BBS10: variants seen among roughly 807,000 people sequenced by gnomAD.
BBS10 encodes the protein Bardet-Biedl syndrome 10, also known as BBSome complex assembly protein BBS10.
In BBS10, 13 loss-of-function variants were observed where a neutral mutation model predicts 12.7. The observed-to-expected ratio is 1.03, with a 90% CI of 0.67 to 1.63. BBS10 has a LOEUF of 1.63. Among genes scored for constraint, BBS10 ranks in the 40% most tolerant of loss-of-function variants. The probability of loss-of-function intolerance (pLI) is 0.00; values close to 1 mark genes in which losing one functional copy is unlikely to be tolerated. For missense variants in BBS10, 858 were observed against 858.0 expected (o/e 1.00, Z 0.00); for synonymous variants, 294 against 304.8 (o/e 0.96, Z 0.37).
Position 76,348,155 on chromosome 12 carries a change from C to A in BBS10, c.197+7G>T, listed in dbSNP as rs1433969081. On this transcript the variant is annotated splice_region_variant and intron_variant, in intron 1 of 1. Coordinates refer to ENST00000650064, the MANE Select transcript of BBS10 (RefSeq NM_024685.4). Reference sequence around the variant, plus strand: ...CGGCTACGGGTTAGCGTGTGGGACGCGGGTACCTGGCTATGGGATGCTCTA... The same window carrying A: ...CGGCTACGGGTTAGCGTGTGGGACGAGGGTACCTGGCTATGGGATGCTCTA... The A allele has an allele frequency of 3.1e-6, 5 of 1,603,186 alleles. No homozygotes were observed. The highest frequency in any genetic ancestry group is 4.3e-6 in the Non-Finnish European group (5 of 1,172,412).
Position 76,346,064 on chromosome 12 carries a change from G to T in BBS10, c.1921C>A (p.Pro641Thr). Residue 641 changes from proline (P) to threonine (T), a missense_variant, in exon 2 of 2, where the codon CCC becomes ACC. Coordinates refer to ENST00000650064, the MANE Select transcript of BBS10 (RefSeq NM_024685.4). ...MIIANALLGI[P>T]KVLYKSKTGK... is the part of the protein sequence containing the mutation. ...GTTTTAGATTTATAAAGGACTTTGGGAATGCCTAAAAGTGCATTAGCTATT... is the reference window on the plus strand; with the variant it reads ...GTTTTAGATTTATAAAGGACTTTGGTAATGCCTAAAAGTGCATTAGCTATT... 6.2e-7 allele frequency: 1 copy of T among 1,613,724 alleles called. No homozygotes were observed. Among genetic ancestry groups the T allele is most frequent in the South Asian group, 1.1e-5 (1 of 91,062 alleles).
chr12:76,347,233 G>A lies in BBS10; in HGVS notation c.752C>T (p.Ala251Val), dbSNP rs149760791. 6.6e-5 allele frequency: 107 copies of A among 1,612,510 alleles called. No individual in the cohort carries two copies. In the African/African-American group the frequency reaches 1.1e-3, roughly 17 times the overall value. Residue 251 changes from alanine to valine, a missense_variant, in exon 2 of 2, where the codon GCA (alanine) becomes GTA (valine). Physicochemically the swap from Ala to Val is moderately conservative, Grantham distance 64 (BLOSUM62 0). Transcript: ENST00000650064. ...TATCACCATTCGCATGTCACCATCT[G>A]CTGGGCGGTACACAGAAAAATCTTT... ...LQKDFSVYRPADGDMRMVIVT... is the reference protein window; with the variant it reads ...LQKDFSVYRPVDGDMRMVIVT...
Position 76,347,460 on chromosome 12 carries a change from T to C in BBS10, c.525A>G (p.Glu175=). The part of the protein sequence containing the change: ...LCRSSLELLL[E]AYFCGRVGRN... Reference sequence around the variant, plus strand: ...TTCCCACTCTTCCACAAAAGTATGCTTCTAAGAGCAACTCTAAAGAGCTCC... The same window carrying C: ...TTCCCACTCTTCCACAAAAGTATGCCTCTAAGAGCAACTCTAAAGAGCTCC... The change falls in exon 2 of 2, where the codon GAA becomes GAG. Residue 175 remains glutamate (E), a synonymous_variant. Coordinates refer to ENST00000650064, the MANE Select transcript of BBS10 (RefSeq NM_024685.4). The C allele has an allele frequency of 6.2e-7, 1 of 1,613,796 alleles. No homozygotes were observed.
chr12:76,347,472 C>A lies in BBS10; in HGVS notation c.513G>T (p.Glu171Asp). ...KERTLCRSSL[E>D]LLLEAYFCGR... ...CACAAAAGTATGCTTCTAAGAGCAACTCTAAAGAGCTCCTACACAATGTTC... is the reference window on the plus strand; with the variant it reads ...CACAAAAGTATGCTTCTAAGAGCAAATCTAAAGAGCTCCTACACAATGTTC... The change falls in exon 2 of 2, where the codon GAG becomes GAT. Residue 171 changes from glutamate to aspartate, a missense_variant. Glu to Asp is a conservative substitution (Grantham distance 45, BLOSUM62 2). Transcript: ENST00000650064. The A allele has an allele frequency of 6.2e-7, 1 of 1,613,722 alleles. No individual in the cohort carries two copies. Among genetic ancestry groups the A allele is most frequent in the Non-Finnish European group, 8.5e-7 (1 of 1,179,974 alleles).
chr12:76,345,570 A>C lies in BBS10; in HGVS notation c.*243T>G. On this transcript the variant is annotated 3_prime_UTR_variant, in exon 2 of 2. Transcript: ENST00000650064. ...AGGCTAACACAGAGCTGAGACACAG[A>C]GGCATAAAATAGGGAAAAAACAGAC... The C allele has an allele frequency of 2.1e-6, 1 of 471,020 alleles. No individual in the cohort carries two copies. The highest frequency in any genetic ancestry group is 3.9e-6 in the Non-Finnish European group (1 of 256,912). The allele number at this position is 471,020 out of a possible 1,614,324, so 29.2% of individuals were successfully genotyped here. A position where few individuals can be genotyped will look rare whatever the true frequency, so the allele number is the denominator to read the frequency against.
chr12:76,346,419 C>T lies in BBS10; in HGVS notation c.1566G>A (p.Thr522=), dbSNP rs1200334802. Reference sequence around the variant, plus strand: ...TTCTTTCCAAAGACAAACATGTCAGCGTTTCAACTGTTTGGAATGTATCTG... The same window carrying T: ...TTCTTTCCAAAGACAAACATGTCAGTGTTTCAACTGTTTGGAATGTATCTG... ...TPTDTFQTVE[T]LTCLSLERNR... is the part of the protein sequence containing the mutation. Residue 522 remains threonine, a synonymous_variant, in exon 2 of 2, where the codon ACG becomes ACA. Transcript: ENST00000650064. 6.2e-7 allele frequency: 1 copy of T among 1,614,086 alleles called. No homozygotes were observed. The highest frequency in any genetic ancestry group is 1.1e-5 in the South Asian group (1 of 91,080).
chr12:76,346,981 G>A lies in BBS10; in HGVS notation c.1004C>T (p.Ser335Leu). 1.2e-6 allele frequency: 2 copies of A among 1,611,228 alleles called. No individual in the cohort carries two copies. Among genetic ancestry groups the A allele is most frequent in the Non-Finnish European group, 1.7e-6 (2 of 1,179,958 alleles). The change falls in exon 2 of 2, where the codon TCA becomes TTA. Residue 335 changes from serine to leucine, a missense_variant. Transcript: ENST00000650064. The part of the protein sequence containing the change: ...VNGISVVECL[S>L]SEEVSLIRRI... ...CCGGATAAGAGAAACTTCTTCTGAT[G>A]ATAAACACTCAACCACTGATATGCC...
rs549625604 is a variant in BBS10, at chr12:76,347,713, C to CA, written c.271dup (p.Cys91LeufsTer5). 9.3e-4 allele frequency: 1,494 copies of CA among 1,610,606 alleles called. No individual in the cohort carries two copies. Among genetic ancestry groups the CA allele is most frequent in the Non-Finnish European group, 1.2e-3 (1,369 of 1,179,732 alleles). On this transcript the variant is annotated frameshift_variant, in exon 2 of 2. Coordinates refer to ENST00000650064, the MANE Select transcript of BBS10 (RefSeq NM_024685.4). LOFTEE classifies it low-confidence loss of function (END_TRUNC). Reference sequence around the variant, plus strand: ...TGCATGAAGTCCTCTAAGCAAATGGCAAAGAAAGATAATAAATGTTTTTGC... The same window carrying CA: ...TGCATGAAGTCCTCTAAGCAAATGGCAAAAGAAAGATAATAAATGTTTTTGC...
At position 76,346,821 on chromosome 12, in the gene BBS10, G is replaced by A. The variant is rs1484593364; in HGVS notation, c.1164C>T (p.Ser388=). 2.2e-5 allele frequency: 35 copies of A among 1,613,982 alleles called. No homozygotes were observed. The highest frequency in any genetic ancestry group is 2.5e-5 in the Non-Finnish European group (30 of 1,179,998). The change falls in exon 2 of 2, where the codon AGC becomes AGT. Residue 388 remains serine, a synonymous_variant. Transcript: ENST00000650064. ...TAGAGTGTGGTATAAATGCACATGT[G>A]CTTATCAAGCCTAGATGAACATATC... is the stretch of plus-strand genomic sequence containing the variant. ...SKRYVHLGLI[S]TCAFIPHSIV...
At chr12:76,348,078 A>G in intron 1 of BBS10, 84 bp downstream of exon 1, 1 of 1,445,484 alleles carries the variant, frequency 6.9e-7, no homozygotes, top group Non-Finnish European at 9.4e-7. Context: ...CTTTCTAAGT[A>G]CGCATCGCCT....
rs1951747367 is a variant in BBS10, at chr12:76,344,784, C to A, written c.*1029G>T. The A allele has an allele frequency of 6.6e-6, 1 of 152,034 alleles. No individual in the cohort carries two copies. The highest frequency in any genetic ancestry group is 2.1e-4 in the South Asian group (1 of 4,830). The allele number at this position is 152,034 out of a possible 1,614,324, so 9.4% of individuals were successfully genotyped here. A position where few individuals can be genotyped will look rare whatever the true frequency, so the allele number is the denominator to read the frequency against. ...TTTGTTCAACAAGCACTTCTGAATA[C>A]TTGGAGTAAATACAGCACTGTTTTG... On this transcript the variant is annotated 3_prime_UTR_variant, in exon 2 of 2. Coordinates refer to ENST00000650064, the MANE Select transcript of BBS10 (RefSeq NM_024685.4).
chr12:76,346,069 C>T lies in BBS10; in HGVS notation c.1916G>A (p.Gly639Asp). The T allele has an allele frequency of 6.2e-7, 1 of 1,613,528 alleles. No individual in the cohort carries two copies. ...VSMIIANALL[G>D]IPKVLYKSKT... ...AGATTTATAAAGGACTTTGGGAATG[C>T]CTAAAAGTGCATTAGCTATTATCAT... The change falls in exon 2 of 2, where the codon GGC becomes GAC. Residue 639 changes from glycine (G) to aspartate (D), a missense_variant. Coordinates refer to ENST00000650064, the MANE Select transcript of BBS10 (RefSeq NM_024685.4).
rs750972045 is a variant in BBS10 at position 76,345,915 on chromosome 12, T to C, written c.2070A>G (p.Ser690=). 1.9e-6 allele frequency: 3 copies of C among 1,613,910 alleles called. No homozygotes were observed. The highest frequency in any genetic ancestry group is 2.7e-5 in the African/African-American group (2 of 74,934). ...ATATTTTTGTCAAACACTGAAGAAC[T>C]GAAGTTAGTAGCTGGTATTTACCCA... ...SVMGKYQLLT[S]VLQCLTKILT... The change falls in exon 2 of 2, where the codon TCA becomes TCG. Residue 690 remains serine (S), a synonymous_variant. Coordinates refer to ENST00000650064, the MANE Select transcript of BBS10 (RefSeq NM_024685.4).
Position 76,347,606 on chromosome 12 carries a change from T to C in BBS10, c.379A>G (p.Lys127Glu). The change falls in exon 2 of 2, where the codon AAA (lysine) becomes GAA (glutamate). Residue 127 changes from lysine (K) to glutamate (E), a missense_variant. Lys to Glu is a moderately conservative substitution (Grantham distance 56, BLOSUM62 1). Transcript: ENST00000650064. ...GTTAGGAGAGCCTGGGAAATAAATT[T>C]CCACCGAGAACAATTTTTCCAATGC... The part of the protein sequence containing the change: ...GRHWKNCSRW[K>E]FISQALLTFQ... 1 of 1,613,730 alleles carries C rather than the reference T, an allele frequency of 6.2e-7. No homozygotes were observed. Among genetic ancestry groups the C allele is most frequent in the East Asian group, 2.2e-5 (1 of 44,860 alleles).
At position 76,347,009 on chromosome 12, in the gene BBS10, T is replaced by G; in HGVS notation, c.976A>C (p.Asn326His). The G allele has an allele frequency of 6.2e-7, 1 of 1,612,382 alleles. No individual in the cohort carries two copies. The highest frequency in any genetic ancestry group is 8.5e-7 in the Non-Finnish European group (1 of 1,179,966). The change falls in exon 2 of 2, where the codon AAT (asparagine) becomes CAT (histidine). Residue 326 changes from asparagine (N) to histidine (H), a missense_variant. Transcript: ENST00000650064. ...PDLVSYYAGV[N>H]GISVVECLSS... ...AAACACTCAACCACTGATATGCCAT[T>G]CACCCCTGCATAATAACTAACTAAA... is the stretch of plus-strand genomic sequence containing the variant.
Position 76,347,170 on chromosome 12 carries a change from C to T in BBS10, c.815G>A (p.Gly272Glu). 1 of 1,610,946 alleles carries T rather than the reference C, an allele frequency of 6.2e-7. No homozygotes were observed. Among genetic ancestry groups the T allele is most frequent in the Non-Finnish European group, 8.5e-7 (1 of 1,179,962 alleles). ...TTCTGAATTTAGAATAAACTCTGAT[C>T]CAGAAGTGGAAAAAAGAGGCTGAAT... is the stretch of plus-strand genomic sequence containing the variant. ...ETIQPLFSTS[G>E]SEFILNSEAQ... Residue 272 changes from glycine (G) to glutamate (E), a missense_variant, in exon 2 of 2, where the codon GGA becomes GAA. Gly to Glu is a moderately conservative substitution (Grantham distance 98). Coordinates refer to ENST00000650064, the MANE Select transcript of BBS10 (RefSeq NM_024685.4).
rs1381089385 is a variant in BBS10 at position 76,348,365 on chromosome 12, G to C, written c.-7C>G. The C allele has an allele frequency of 6.4e-7, 1 of 1,572,980 alleles. No individual in the cohort carries two copies. The highest frequency in any genetic ancestry group is 8.6e-7 in the Non-Finnish European group (1 of 1,159,268). On this transcript the variant is annotated 5_prime_UTR_variant, in exon 1 of 2. Coordinates refer to ENST00000650064, the MANE Select transcript of BBS10 (RefSeq NM_024685.4). ...CGGCCATAGAACTTAACATATCTGG[G>C]CCGCTTCCCCTTTTTGACCAGCTTG... is the stretch of plus-strand genomic sequence containing the variant.
At position 76,346,139 on chromosome 12, in the gene BBS10, TGAG is replaced by T; in HGVS notation, c.1843_1845del (p.Leu615del). The T allele has an allele frequency of 6.2e-7, 1 of 1,609,704 alleles. No homozygotes were observed. On this transcript the variant is annotated inframe_deletion, in exon 2 of 2. Coordinates refer to ENST00000650064, the MANE Select transcript of BBS10 (RefSeq NM_024685.4). The stretch of plus-strand genomic sequence containing the variant: ...GATTGATGGCATTTTTTGGCATAAT[TGAG>T]AAGATAGTAATGTAACAAGATCTCA...
chr12:76,347,006 C>G lies in BBS10; in HGVS notation c.979G>C (p.Gly327Arg). The G allele has an allele frequency of 6.2e-7, 1 of 1,612,122 alleles. No homozygotes were observed. Among genetic ancestry groups the G allele is most frequent in the Non-Finnish European group, 8.5e-7 (1 of 1,179,962 alleles). Residue 327 changes from glycine (G) to arginine (R), a missense_variant, in exon 2 of 2, where the codon GGC becomes CGC. Coordinates refer to ENST00000650064, the MANE Select transcript of BBS10 (RefSeq NM_024685.4). The stretch of plus-strand genomic sequence containing the variant: ...GATAAACACTCAACCACTGATATGC[C>G]ATTCACCCCTGCATAATAACTAACT... ...DLVSYYAGVNGISVVECLSSE... is the reference protein window; with the variant it reads ...DLVSYYAGVNRISVVECLSSE...
Sources: gnomAD v4.1 joint callset for allele counts on GRCh38, gnomAD v4.1.1 for gene constraint, MANE v1.5 for transcripts, NCBI Gene and HGNC (gene_info 2026-07-23, HGNC 2026-07-21) for gene names.